Variants in PAX8 observed in about 807,000 individuals in gnomAD.
The protein encoded by PAX8 is paired box protein Pax-8.
A neutral mutation model predicts 52.4 loss-of-function variants in PAX8; 15 were observed. The observed-to-expected ratio is 0.29, with a 90% CI of 0.19 to 0.44. The LOEUF is 0.44. Ranked by LOEUF, PAX8 falls within the 20% of genes least tolerant of loss-of-function variation. The pLI, the probability that PAX8 is intolerant of heterozygous loss-of-function variation, is 1.00. For missense variants in PAX8, 554 were observed against 602.5 expected (o/e 0.92, Z 0.84); for synonymous variants, 284 against 249.7 (o/e 1.14, Z -1.29).
intron 10 of PAX8, among the ~76,000 whole-genome samples, chr2:113,223,522 A>G (rs1456837607): frequency 1.3e-5 from 2 of 152,070 alleles, no homozygotes; most frequent in African/African-American, 4.8e-5. Context: ...AGCCACTACA[A>G]TTTTGTGCTA....
At position 113,242,644 on chromosome 2, in the gene PAX8, A is replaced by T. The variant is rs570941992; in HGVS notation, c.478+46T>A. On this transcript the variant is annotated intron_variant, in intron 5 of 11. Coordinates refer to ENST00000429538, the MANE Select transcript of PAX8 (RefSeq NM_003466.4). ...TGTATATGTGGGTATGCTGAAGGGGAGGTGTACACGAGCATGTGTGTGTAT... is the reference window on the plus strand; with the variant it reads ...TGTATATGTGGGTATGCTGAAGGGGTGGTGTACACGAGCATGTGTGTGTAT... The T allele has an allele frequency of 1.9e-4, 238 of 1,243,354 alleles. 2 individuals are homozygous for T. In the South Asian group the frequency reaches 2.7e-3, roughly 14 times the overall value. 77.0% of individuals were successfully genotyped at this position (1,243,354 alleles called of 1,614,324 possible). A position where few individuals can be genotyped will look rare whatever the true frequency, so the allele number is the denominator to read the frequency against.
intron 2 of PAX8, chr2:113,250,695 T>C (rs924317123): frequency 2.0e-5 from 3 of 152,210 alleles, no homozygotes; most frequent in Non-Finnish European, 4.4e-5. Context: ...ACAATAATAA[T>C]GATTGTTTGT....
At chr2:113,218,635 A>G in intron 11 of PAX8, 26 bp from the exon 12 acceptor site, 5 of 1,458,316 alleles carry the variant, frequency 3.4e-6, no homozygotes, top group South Asian at 1.2e-5. Flanking sequence ...AAAAATAACA[A>G]CAACACTGCT....
chr2:113,229,494 C>T (rs1338627705), intron 9 of PAX8, among the ~76,000 whole-genome samples: 1 of 152,136 alleles, frequency 6.6e-6, no homozygotes, highest in Non-Finnish European at 1.5e-5. Context: ...TGAACACCAC[C>T]TTCTAATTTG....
chr2:113,234,938 G>T lies in PAX8; in HGVS notation c.1087+456C>A, dbSNP rs148091961. Among the ~76,000 whole-genome samples the T allele has an allele frequency of 5.1e-3, 776 of 152,278 alleles. 10 individuals carry two copies. The highest frequency in any genetic ancestry group is 0.018 in the African/African-American group (742 of 41,548). ...TTAACAGATGTCTGACTGTCCTCCC[G>T]GTGATGCTGTTAAGCTAGGAATGAA... is the stretch of plus-strand genomic sequence containing the variant. On this transcript the variant is annotated intron_variant, in intron 9 of 11. Transcript: ENST00000429538.
intron 10 of PAX8, chr2:113,226,664 T>G: frequency 9.2e-7 from 1 of 1,092,232 alleles, no homozygotes; most frequent in East Asian, 6.0e-5. Flanking sequence ...ATCATCATCG[T>G]CATCGTCATC....
At chr2:113,226,098 C>T (rs1689553907) in intron 10 of PAX8, 1 of 985,494 alleles carries the variant, frequency 1.0e-6, no homozygotes, top group Non-Finnish European at 1.2e-6. Flanking sequence ...TTCTCCCTCC[C>T]TCTTTCTCTC....
Position 113,227,280 on chromosome 2 carries a change from G to A in PAX8, c.1088-24C>T, listed in dbSNP as rs377554177. 169 of 1,575,060 alleles carry A rather than the reference G, an allele frequency of 1.1e-4. 1 individual carries two copies. In the African/African-American group the frequency reaches 1.7e-3, roughly 16 times the overall value. On this transcript the variant is annotated intron_variant, in intron 9 of 11. Transcript: ENST00000429538. ...CCCTGGAAAAATACAGCAAAGAGTC[G>A]TCAGTTGGACCATGGGGGCTCCCAT...
intron 6 of PAX8, 74 bp from the exon 7 acceptor site, chr2:113,241,800 G>A (rs1690869160): frequency 6.4e-7 from 1 of 1,558,542 alleles, no homozygotes; most frequent in Non-Finnish European, 8.8e-7. Context: ...GTAGAGGACT[G>A]ACTCCAAGCT....
chr2:113,241,844 C>T (rs1415532503), intron 6 of PAX8, 118 bp from the exon 7 acceptor site: 8 of 1,463,858 alleles, frequency 5.5e-6, no homozygotes, highest in African/African-American at 2.8e-5. Flanking sequence ...GGGCCAGCCA[C>T]GTGGGCCCAG....
chr2:113,278,723 G>T, intron 1 of PAX8, 108 bp downstream of exon 1: 2 of 616,132 alleles, frequency 3.2e-6, no homozygotes, highest in Non-Finnish European at 4.8e-6. Flanking sequence ...GTCTTATCCC[G>T]TTTAACTTGG....
chr2:113,227,096 CA>C, intron 10 of PAX8, 58 bp downstream of exon 10: 2 of 1,540,846 alleles, frequency 1.3e-6, no homozygotes, highest in South Asian at 1.2e-5. Context: ...CCTTGTGTCC[CA>C]CCTTGCTCCA....
chr2:113,224,815 AT>A (rs1423644061), intron 10 of PAX8, among the ~76,000 whole-genome samples: 1 of 147,864 alleles, frequency 6.8e-6, no homozygotes, highest in Non-Finnish European at 1.5e-5. Context: ...ATAAAATAAA[AT>A]AAAAAAATAA....
intron 4 of PAX8, among the ~76,000 whole-genome samples, chr2:113,243,429 T>G (rs1573466526): frequency 1.3e-5 from 2 of 152,092 alleles, no homozygotes; most frequent in East Asian, 3.9e-4. Context: ...CTTGCTCTTG[T>G]CGCCCAGGCT....
intron 2 of PAX8, among the ~76,000 whole-genome samples, chr2:113,256,647 TG>T (rs1692282526): frequency 6.0e-5 from 8 of 133,960 alleles, no homozygotes; most frequent in Admixed American, 5.8e-4. Flanking sequence ...TGTGTGTGTG[TG>T]TGTGTGTATA....
chr2:113,224,700 GAT>G (rs1689450338), intron 10 of PAX8, among the ~76,000 whole-genome samples: 1 of 151,920 alleles, frequency 6.6e-6, no homozygotes, highest in South Asian at 2.1e-4. Context: ...TGAGTGGAAA[GAT>G]AGATGACTGG....
rs189884113 is a variant in PAX8, at chr2:113,221,498, G to A, written c.1190-1320C>T. 5.8e-4 allele frequency among the ~76,000 whole-genome samples: 88 copies of A among 152,260 alleles called. 2 individuals are homozygous for A. Among genetic ancestry groups the A allele is most frequent in the African/African-American group, 2.0e-3 (83 of 41,546 alleles). On this transcript the variant is annotated intron_variant, in intron 10 of 11. Transcript: ENST00000429538. Reference sequence around the variant, plus strand: ...AGCCTCTCTGAGTGAGTGACTTACAGGTGAACCTTGGTTTCCTTATCTGTA... The same window carrying A: ...AGCCTCTCTGAGTGAGTGACTTACAAGTGAACCTTGGTTTCCTTATCTGTA...
rs888850438 is a variant in PAX8, at chr2:113,216,302, G to T, written c.*2231C>A. ...AAGAGATGGATTTTCTTCCAGGAGGGTTCCCCCTGCCATGCCATCCATGGC... is the reference window on the plus strand; with the variant it reads ...AAGAGATGGATTTTCTTCCAGGAGGTTTCCCCCTGCCATGCCATCCATGGC... On this transcript the variant is annotated 3_prime_UTR_variant, in exon 12 of 12. Coordinates refer to ENST00000429538, the MANE Select transcript of PAX8 (RefSeq NM_003466.4). The T allele has an allele frequency of 1.3e-5, 3 of 231,718 alleles. No individual in the cohort carries two copies. Among genetic ancestry groups the T allele is most frequent in the African/African-American group, 6.6e-5 (3 of 45,250 alleles). 14.4% of individuals were successfully genotyped at this position (231,718 alleles called of 1,614,324 possible).
intron 2 of PAX8, among the ~76,000 whole-genome samples, chr2:113,247,470 G>T (rs957730161): frequency 1.3e-5 from 2 of 152,216 alleles, no homozygotes; most frequent in African/African-American, 4.8e-5. Context: ...GGCAGAGAAG[G>T]CCTGAGCTCT....
Sources: allele counts gnomAD v4.1 joint callset (sites outside exome capture counted in the v4.1 genomes callset), GRCh38; gene constraint gnomAD v4.1.1; transcripts MANE v1.5; gene names NCBI Gene and HGNC (gene_info 2026-07-23, HGNC 2026-07-21).